The following ATP2C2 variants were observed in gnomAD, a reference collection of about 807,000 sequenced individuals.
ATP2C2 encodes the protein ATPase secretory pathway Ca2+ transporting 2.
Under a neutral mutation model 110.8 loss-of-function variants are expected in ATP2C2, and 171 were observed. That is an observed-to-expected ratio of 1.54 (90% CI 1.36 to 1.75). The LOEUF (loss-of-function observed/expected upper bound fraction) is 1.75. ATP2C2 is among the 40% of genes most tolerant of loss of function. The pLI, the probability that ATP2C2 is intolerant of heterozygous loss-of-function variation, is 0.00. For missense variants in ATP2C2, 1,963 were observed against 1,235.0 expected (o/e 1.59, Z -8.84); for synonymous variants, 804 against 508.4 (o/e 1.58, Z -7.82).
intron 14 of ATP2C2, among the ~76,000 whole-genome samples, chr16:84,441,191 G>A (rs1186767221): frequency 1.3e-5 from 2 of 152,206 alleles, no homozygotes; most frequent in Non-Finnish European, 2.9e-5. Flanking sequence ...CCAGCACTTT[G>A]GGAGGCCAAG....
At chr16:84,430,989 C>G (rs8045211) in intron 11 of ATP2C2, among the ~76,000 whole-genome samples, 1 of 151,844 alleles carries the variant, frequency 6.6e-6, no homozygotes. Flanking sequence ...GCAATGGGCT[C>G]GAGTTTGTTT....
At chr16:84,372,991 G>A (rs1381529969) in intron 1 of ATP2C2, among the ~76,000 whole-genome samples, 1 of 151,348 alleles carries the variant, frequency 6.6e-6, no homozygotes, top group Admixed American at 6.6e-5. Context: ...GAGGTGGCAG[G>A]CACCTGTAAT....
intron 2 of ATP2C2, among the ~76,000 whole-genome samples, chr16:84,400,089 A>C (rs974902350): frequency 3.9e-5 from 6 of 152,198 alleles, no homozygotes; most frequent in African/African-American, 1.4e-4. Flanking sequence ...GTTGCAAATG[A>C]CAGGATCTCA....
At chr16:84,439,326 G>A (rs577967745) in intron 12 of ATP2C2, 36 bp downstream of exon 12, 1 of 1,613,610 alleles carries the variant, frequency 6.2e-7, no homozygotes, top group South Asian at 1.1e-5. Flanking sequence ...CTTACACGTG[G>A]AATTGAATGG....
intron 6 of ATP2C2, among the ~76,000 whole-genome samples, chr16:84,412,780 G>A (rs1033317497): frequency 4.1e-5 from 6 of 146,712 alleles, no homozygotes; most frequent in African/African-American, 1.2e-4. Flanking sequence ...GAACATACCT[G>A]GCTGCTCAAA....
At chr16:84,382,343 C>T (rs1167194194) in intron 1 of ATP2C2, among the ~76,000 whole-genome samples, 1 of 152,208 alleles carries the variant, frequency 6.6e-6, no homozygotes, top group African/African-American at 2.4e-5. Context: ...GCGTAGTATT[C>T]CATGGTGTAC....
intron 7 of ATP2C2, among the ~76,000 whole-genome samples, chr16:84,421,627 G>A (rs1048001807): frequency 2.0e-5 from 3 of 152,166 alleles, no homozygotes; most frequent in African/African-American, 4.8e-5. Context: ...CACCTCGGGA[G>A]TGAGATGTGT....
chr16:84,425,566 C>T (rs566560831), intron 10 of ATP2C2, among the ~76,000 whole-genome samples, 169 bp from the exon 11 acceptor site: 11 of 152,254 alleles, frequency 7.2e-5, no homozygotes, highest in Admixed American at 6.5e-4. Context: ...TAGGTATAAA[C>T]GTATCTCCCT....
At position 84,368,545 on chromosome 16, in the gene ATP2C2, T is replaced by G; in HGVS notation, c.-71T>G. The stretch of plus-strand genomic sequence containing the variant: ...GGTAACCGGGTCCGGCCCAGGAGGC[T>G]TGGGCGCGCGCAGCCATCCCGGGCC... On this transcript the variant is annotated 5_prime_UTR_variant, in exon 1 of 27. Coordinates refer to ENST00000262429, the MANE Select transcript of ATP2C2 (RefSeq NM_014861.4). 2.4e-6 allele frequency: 3 copies of G among 1,243,502 alleles called. No individual in the cohort carries two copies. The highest frequency in any genetic ancestry group is 3.4e-6 in the Non-Finnish European group (3 of 888,456). The allele number at this position is 1,243,502 out of a possible 1,614,324, so 77.0% of individuals were successfully genotyped here.
intron 7 of ATP2C2, among the ~76,000 whole-genome samples, chr16:84,419,208 TAAAAAAAAA>T (rs59552270): frequency 0.012 from 585 of 47,502 alleles, 8 homozygotes; most frequent in African/African-American, 0.044. Context: ...ACCCCATCTT[TAAAAAAAAA>T]AAAAAAAAAA....
intron 7 of ATP2C2, 48 bp downstream of exon 7, chr16:84,415,639 C>G (rs752906392): frequency 6.7e-7 from 1 of 1,488,652 alleles, no homozygotes; most frequent in Non-Finnish European, 9.2e-7. Context: ...TGGAGCTGGT[C>G]AAGGAGCAGA....
chr16:84,395,126 A>G (rs1362108286), intron 1 of ATP2C2, among the ~76,000 whole-genome samples: 1 of 152,084 alleles, frequency 6.6e-6, no homozygotes. Context: ...CCCTGTTTCC[A>G]GTACCCTTGG....
intron 1 of ATP2C2, among the ~76,000 whole-genome samples, chr16:84,370,193 C>T (rs567472529): frequency 1.3e-5 from 2 of 152,228 alleles, no homozygotes; most frequent in East Asian, 3.9e-4. Context: ...GATCTCTGTG[C>T]CAGGTGGACT....
At chr16:84,387,111 G>A (rs1040749867) in intron 1 of ATP2C2, among the ~76,000 whole-genome samples, 4 of 148,744 alleles carry the variant, frequency 2.7e-5, no homozygotes, top group Non-Finnish European at 6.0e-5. Context: ...AGCATGCCGC[G>A]CTCTGAGAAC....
intron 11 of ATP2C2, among the ~76,000 whole-genome samples, chr16:84,428,364 G>T (rs911242572): frequency 6.6e-6 from 1 of 152,236 alleles, no homozygotes; most frequent in Admixed American, 6.5e-5. Flanking sequence ...TGCATGGTGT[G>T]CATTAATTGA....
chr16:84,376,485 C>G (rs1910256671), intron 1 of ATP2C2, among the ~76,000 whole-genome samples: 1 of 151,996 alleles, frequency 6.6e-6, no homozygotes, highest in Non-Finnish European at 1.5e-5. Flanking sequence ...GAATGCAGCC[C>G]AACACAAATT....
intron 6 of ATP2C2, among the ~76,000 whole-genome samples, chr16:84,412,132 C>G (rs247822): frequency 0.35 from 53,281 of 152,008 alleles, 10,351 homozygotes; most frequent in Middle Eastern, 0.53. Context: ...TCCTGCCTTA[C>G]TTTCCCAAGT....
Position 84,442,493 on chromosome 16 carries a change from G to C in ATP2C2, c.1312-17G>C. On this transcript the variant is annotated splice_polypyrimidine_tract_variant and intron_variant, in intron 14 of 26. Coordinates refer to ENST00000262429, the MANE Select transcript of ATP2C2 (RefSeq NM_014861.4). ...AGCCCAGTACTAACTACAGATGTCC[G>C]GACAATCCCCTTTTAGGCGGGCTGT... 1 of 1,613,304 alleles carries C rather than the reference G, an allele frequency of 6.2e-7. No homozygotes were observed. The highest frequency in any genetic ancestry group is 8.5e-7 in the Non-Finnish European group (1 of 1,179,380).
intron 16 of ATP2C2, among the ~76,000 whole-genome samples, chr16:84,447,433 C>G (rs1349628418): frequency 6.6e-6 from 1 of 151,950 alleles, no homozygotes; most frequent in African/African-American, 2.4e-5. Flanking sequence ...CCCTCCCTCC[C>G]CACCACCCAC....
Sources: gnomAD v4.1 joint callset for allele counts (sites outside exome capture counted in the v4.1 genomes callset) on GRCh38, gnomAD v4.1.1 for gene constraint, MANE v1.5 for transcripts, NCBI Gene and HGNC (gene_info 2026-07-23, HGNC 2026-07-21) for gene names.